OXSR1: variants seen among roughly 807,000 people sequenced by gnomAD.
The protein encoded by OXSR1 is serine/threonine-protein kinase OSR1.
Under a neutral mutation model 79.8 loss-of-function variants are expected in OXSR1, and 24 were observed. The ratio of observed to expected loss-of-function variants is 0.30; its 90% CI spans 0.22 to 0.42. The LOEUF is 0.42. OXSR1 is among the 10% of genes least tolerant of loss of function. The pLI, the probability that OXSR1 is intolerant of heterozygous loss-of-function variation, is 1.00. For missense variants in OXSR1, 430 were observed against 618.4 expected (o/e 0.70, Z 3.23); for synonymous variants, 226 against 209.2 (o/e 1.08, Z -0.69).
At chr3:38,252,684 C>T (rs1047351923) in intron 17 of OXSR1, 133 bp from the exon 18 acceptor site, 10 of 693,358 alleles carry the variant, frequency 1.4e-5, no homozygotes, top group South Asian at 7.0e-5. Context: ...TAAACACCTT[C>T]GTCAGTCTCC....
rs530439673 is a variant in OXSR1, at chr3:38,165,541, C to G, written c.-336C>G. ...TGGAGGAAGAGGGGAAAGTTTGGCC[C>G]GTGCGTGGGGCTGGGGTGGAGGGCG... is the stretch of plus-strand genomic sequence containing the variant. On this transcript the variant is annotated 5_prime_UTR_variant, in exon 1 of 18. Transcript: ENST00000311806. The G allele has an allele frequency of 3.1e-5, 9 of 293,700 alleles. No homozygotes were observed. Among genetic ancestry groups the G allele is most frequent in the East Asian group, 6.4e-5 (1 of 15,570 alleles). 18.2% of individuals were successfully genotyped at this position (293,700 alleles called of 1,614,324 possible). A position where few individuals can be genotyped will look rare whatever the true frequency, so the allele number is the denominator to read the frequency against.
chr3:38,213,000 T>A (rs565370386), intron 4 of OXSR1, among the ~76,000 whole-genome samples: 2 of 152,322 alleles, frequency 1.3e-5, no homozygotes, highest in East Asian at 3.9e-4. Flanking sequence ...GATTGTACTT[T>A]TGGTTTCAAA....
intron 12 of OXSR1, among the ~76,000 whole-genome samples, chr3:38,244,056 T>G (rs374220630): frequency 1.3e-5 from 2 of 152,230 alleles, no homozygotes; most frequent in African/African-American, 4.8e-5. Flanking sequence ...AATAAACAAC[T>G]GTTGTTTTAA....
chr3:38,185,781 A>C (rs1701873761), intron 2 of OXSR1, among the ~76,000 whole-genome samples: 1 of 151,796 alleles, frequency 6.6e-6, no homozygotes. Flanking sequence ...CATCTCTAAA[A>C]TGAAAAATAA....
chr3:38,175,604 C>T (rs754250265), intron 1 of OXSR1, among the ~76,000 whole-genome samples: 10 of 152,270 alleles, frequency 6.6e-5, no homozygotes, highest in Middle Eastern at 3.4e-3. Context: ...CCCGGCCCTA[C>T]GTTCTCTCTC....
At chr3:38,174,324 G>A (rs918259042) in intron 1 of OXSR1, among the ~76,000 whole-genome samples, 2 of 152,214 alleles carry the variant, frequency 1.3e-5, no homozygotes, top group African/African-American at 4.8e-5. Flanking sequence ...TGCCTCACCT[G>A]TAATCCCAGC....
intron 3 of OXSR1, among the ~76,000 whole-genome samples, chr3:38,194,845 C>A (rs1051278392): frequency 1.3e-5 from 2 of 152,106 alleles, no homozygotes; most frequent in African/African-American, 4.8e-5. Context: ...CCTTTTTAGT[C>A]AGAATATTGA....
rs1575382088 is a variant in OXSR1 at position 38,253,818 on chromosome 3, T to C, written c.*927T>C. ...GAAATGGGTATGCAAGGCTGAGATT[T>C]CTACAGCAATAAAGGAGACACACAC... On this transcript the variant is annotated 3_prime_UTR_variant, in exon 18 of 18. Transcript: ENST00000311806. 5 of 204,910 alleles carry C rather than the reference T, an allele frequency of 2.4e-5. No individual in the cohort carries two copies. In the East Asian group the frequency reaches 5.2e-4, roughly 21 times the overall value. 12.7% of individuals were successfully genotyped at this position (204,910 alleles called of 1,614,324 possible).
intron 3 of OXSR1, among the ~76,000 whole-genome samples, chr3:38,194,868 A>G (rs1702045860): frequency 6.6e-6 from 1 of 152,226 alleles, no homozygotes; most frequent in African/African-American, 2.4e-5. Flanking sequence ...ACAAAAGCAC[A>G]GTTTTGATTT....
At chr3:38,206,128 C>A (rs1304588420) in intron 4 of OXSR1, among the ~76,000 whole-genome samples, 1 of 151,932 alleles carries the variant, frequency 6.6e-6, no homozygotes, top group Non-Finnish European at 1.5e-5. Flanking sequence ...ACACAAGAAA[C>A]TTTGTATATT....
chr3:38,251,505 T>C lies in OXSR1; in HGVS notation c.1444+34T>C, dbSNP rs754421206. 2.0e-6 allele frequency: 3 copies of C among 1,507,264 alleles called. No homozygotes were observed. The Admixed American group carries it at 5.0e-5, about 25-fold the overall frequency. 93.4% of individuals were successfully genotyped at this position (1,507,264 alleles called of 1,614,324 possible). A position where few individuals can be genotyped will look rare whatever the true frequency, so the allele number is the denominator to read the frequency against. On this transcript the variant is annotated intron_variant, in intron 16 of 17. Coordinates refer to ENST00000311806, the MANE Select transcript of OXSR1 (RefSeq NM_005109.3). ...ATTGCGTTCTGCTCATGTGCTCCTG[T>C]GTCTCTGTCTGTATACTTAGTACAT...
intron 12 of OXSR1, among the ~76,000 whole-genome samples, chr3:38,244,666 T>TGTGTGTGTGTGCGCGCGC (rs748851263): frequency 1.4e-5 from 2 of 143,954 alleles, no homozygotes; most frequent in Non-Finnish European, 3.0e-5. Context: ...TGTGTGTGTG[T>TGTGTGTGTGTGCGCGCGC]GCGTGCGCAT....
At chr3:38,166,789 C>CAAAAAAA (rs915290107) in intron 1 of OXSR1, among the ~76,000 whole-genome samples, 1 of 63,800 alleles carries the variant, frequency 1.6e-5, no homozygotes, top group Admixed American at 1.7e-4. Context: ...GACTCTGACT[C>CAAAAAAA]AAAAAAAAAA....
chr3:38,196,409 C>T (rs1214021626), intron 3 of OXSR1, among the ~76,000 whole-genome samples: 1 of 152,168 alleles, frequency 6.6e-6, no homozygotes, highest in Non-Finnish European at 1.5e-5. Context: ...GGGGAGCTTA[C>T]AGGACCAGTA....
At chr3:38,186,984 C>CT (rs1242838164) in intron 2 of OXSR1, among the ~76,000 whole-genome samples, 1 of 152,082 alleles carries the variant, frequency 6.6e-6, no homozygotes, top group Admixed American at 6.6e-5. Context: ...TATTGTTCAT[C>CT]TTTTTTTGTC....
intron 3 of OXSR1, 112 bp from the exon 4 acceptor site, chr3:38,198,610 T>A: frequency 4.2e-6 from 3 of 713,904 alleles, no homozygotes; most frequent in Non-Finnish European, 4.4e-6. Context: ...TTTTTTTCAT[T>A]TCTGCACAGT....
chr3:38,180,061 G>T (rs1701752964), intron 1 of OXSR1, among the ~76,000 whole-genome samples: 1 of 152,102 alleles, frequency 6.6e-6, no homozygotes. Flanking sequence ...GCCCACCTTG[G>T]CTTCCCAAAG....
intron 3 of OXSR1, among the ~76,000 whole-genome samples, chr3:38,198,239 AAAT>A (rs1702101461): frequency 6.6e-6 from 1 of 152,164 alleles, no homozygotes; most frequent in Non-Finnish European, 1.5e-5. Flanking sequence ...TTAACCTGAA[AAAT>A]AATTTTAGTC....
Position 38,254,301 on chromosome 3 carries a change from T to G in OXSR1, c.*1410T>G. 2.5e-6 allele frequency: 1 copy of G among 398,548 alleles called. No homozygotes were observed. The highest frequency in any genetic ancestry group is 4.4e-6 in the Non-Finnish European group (1 of 225,794). The allele number at this position is 398,548 out of a possible 1,614,324, so 24.7% of individuals were successfully genotyped here. ...ACCTTATTTTCTCTTGGAACATATC[T>G]GAAAACCTTCCCCACAAATAACTTG... is the stretch of plus-strand genomic sequence containing the variant. On this transcript the variant is annotated 3_prime_UTR_variant, in exon 18 of 18. Coordinates refer to ENST00000311806, the MANE Select transcript of OXSR1 (RefSeq NM_005109.3).
Sources: gnomAD v4.1 joint callset for allele counts (sites outside exome capture counted in the v4.1 genomes callset) on GRCh38, gnomAD v4.1.1 for gene constraint, MANE v1.5 for transcripts, NCBI Gene and HGNC (gene_info 2026-07-23, HGNC 2026-07-21) for gene names.